RP1: variants seen among roughly 807,000 people sequenced by gnomAD.
RP1 encodes oxygen-regulated protein 1.
In RP1, 16 loss-of-function variants were observed where a neutral mutation model predicts 14.8. That is an observed-to-expected ratio of 1.08 (90% CI 0.73 to 1.65). RP1 has a LOEUF of 1.65. Among genes scored for constraint, RP1 ranks in the 40% most tolerant of loss-of-function variants. RP1 has a pLI of 0.00. For missense variants in RP1, 2,631 were observed against 2,535.0 expected (o/e 1.04, Z -0.81); for synonymous variants, 876 against 883.6 (o/e 0.99, Z 0.15).
chr8:54,688,292 G>A (rs1020776814), intron 12 of RP1, among the ~76,000 whole-genome samples: 1 of 152,088 alleles, frequency 6.6e-6, no homozygotes, highest in African/African-American at 2.4e-5. Flanking sequence ...AGTTACTTTT[G>A]CTGCACAGAA....
intron 12 of RP1, among the ~76,000 whole-genome samples, chr8:54,684,594 T>A (rs939008826): frequency 1.3e-5 from 2 of 152,216 alleles, no homozygotes; most frequent in African/African-American, 4.8e-5. Context: ...CTAGTTTGTG[T>A]ACATAGAGGT....
At chr8:54,674,796 A>C (rs1233450553) in intron 8 of RP1, among the ~76,000 whole-genome samples, 1 of 152,200 alleles carries the variant, frequency 6.6e-6, no homozygotes, top group East Asian at 1.9e-4. Context: ...ATACAAATAT[A>C]CTTTTGAGGT....
intron 16 of RP1, among the ~76,000 whole-genome samples, chr8:54,725,166 A>G (rs552168925): frequency 1.7e-4 from 26 of 152,238 alleles, no homozygotes; most frequent in African/African-American, 5.8e-4. Context: ...CTCTTTGTAG[A>G]TCCTGAATTT....
intron 7 of RP1, among the ~76,000 whole-genome samples, chr8:54,670,320 A>AT (rs1324281281): frequency 6.6e-6 from 1 of 150,554 alleles, no homozygotes; most frequent in African/African-American, 2.4e-5. Context: ...CTTTTGTTTC[A>AT]TTTTTCTATC....
intron 24 of RP1, among the ~76,000 whole-genome samples, chr8:54,788,109 A>G (rs1315629958): frequency 1.3e-5 from 2 of 152,180 alleles, no homozygotes; most frequent in Non-Finnish European, 2.9e-5. Context: ...GATGGGGTTT[A>G]AGATAATTTT....
At chr8:54,643,078 T>C (rs899583552) in intron 3 of RP1, among the ~76,000 whole-genome samples, 10 of 152,204 alleles carry the variant, frequency 6.6e-5, no homozygotes, top group Admixed American at 1.3e-4. Context: ...TTTTGTTTTA[T>C]TGATTGTATG....
intron 6 of RP1, among the ~76,000 whole-genome samples, chr8:54,660,257 A>G (rs1263885547): frequency 1.3e-5 from 2 of 152,046 alleles, no homozygotes; most frequent in Non-Finnish European, 2.9e-5. Context: ...TGTCTTTTTC[A>G]TGATCTTAGA....
In RP1 at chr8:54,605,731, G is replaced by A. The variant is rs377111793; in HGVS notation, c.-12-15224G>A. On this transcript the variant is annotated intron_variant, in intron 1 of 22. Coordinates refer to the RP1 transcript ENST00000636932. ...TATGAATCTGGGTGCTCCTGTATTC[G>A]GTGCTTATATATTTAGGATAGTTGG... is the stretch of plus-strand genomic sequence containing the variant. 4.6e-5 allele frequency among the ~76,000 whole-genome samples: 7 copies of A among 152,228 alleles called. No individual in the cohort carries two copies. The South Asian group carries it at 6.2e-4, about 14-fold the overall frequency.
chr8:54,689,603 G>A (rs910254376), intron 12 of RP1, among the ~76,000 whole-genome samples: 1 of 152,060 alleles, frequency 6.6e-6, no homozygotes, highest in Admixed American at 6.6e-5. Context: ...TGTTGCATGA[G>A]TCTCAGACTC....
At chr8:54,753,209 G>A (rs773743204) in intron 19 of RP1, among the ~76,000 whole-genome samples, 27 of 152,142 alleles carry the variant, frequency 1.8e-4, no homozygotes, top group Non-Finnish European at 2.6e-4. Context: ...AGATACAGTC[G>A]TCACTCATTA....
At chr8:54,803,169 T>C (rs1810754959) in intron 24 of RP1, among the ~76,000 whole-genome samples, 1 of 152,220 alleles carries the variant, frequency 6.6e-6, no homozygotes, top group South Asian at 2.1e-4. Context: ...CTTTGTCTTA[T>C]TTTTTAGTCT....
chr8:54,785,467 A>C (rs1810295471), intron 24 of RP1, among the ~76,000 whole-genome samples: 2 of 149,828 alleles, frequency 1.3e-5, no homozygotes. Context: ...TGAACAATGC[A>C]GCTATGAACA....
chr8:54,756,667 G>A (rs759398089), intron 21 of RP1, among the ~76,000 whole-genome samples: 2 of 152,084 alleles, frequency 1.3e-5, no homozygotes, highest in African/African-American at 4.8e-5. Flanking sequence ...TTAATATTAC[G>A]CTAAGTGATC....
chr8:54,638,250 C>G (rs563945767), intron 3 of RP1, among the ~76,000 whole-genome samples: 204 of 152,102 alleles, frequency 1.3e-3, no homozygotes, highest in African/African-American at 4.7e-3. Flanking sequence ...CGAGCCTCGG[C>G]AACACAGTGA....
At chr8:54,643,910 T>G (rs1806497210) in intron 3 of RP1, among the ~76,000 whole-genome samples, 1 of 152,184 alleles carries the variant, frequency 6.6e-6, no homozygotes, top group Non-Finnish European at 1.5e-5. Flanking sequence ...TTCACATCCT[T>G]AAGTGCAAAA....
chr8:54,591,520 TA>T (rs1386252324), intron 1 of RP1, among the ~76,000 whole-genome samples: 1 of 152,160 alleles, frequency 6.6e-6, no homozygotes, highest in Non-Finnish European at 1.5e-5. Context: ...TGAGTGGCCT[TA>T]TCACCTCTAC....
chr8:54,853,997 G>A (rs1812127154), intron 26 of RP1, among the ~76,000 whole-genome samples: 1 of 151,218 alleles, frequency 6.6e-6, no homozygotes, highest in Admixed American at 6.6e-5. Context: ...AAGAAAGAAA[G>A]AAAAGAAAAG....
chr8:54,569,806 A>T lies in RP1; in HGVS notation c.-13+10486A>T, dbSNP rs866631075. On this transcript the variant is annotated intron_variant, in intron 1 of 22. Transcript: ENST00000636932. ...CAGTAGGACAGAGAGTTGGTAAACT[A>T]TTACTACATCATCACAGACGACGTA... Among the ~76,000 whole-genome samples the T allele has an allele frequency of 3.3e-5, 5 of 152,316 alleles. No individual in the cohort carries two copies. The South Asian group carries it at 6.2e-4, about 19-fold the overall frequency.
At chr8:54,864,651 C>T (rs1212715929) in intron 27 of RP1, among the ~76,000 whole-genome samples, 3 of 152,138 alleles carry the variant, frequency 2.0e-5, no homozygotes, top group African/African-American at 7.2e-5. Context: ...AGCAGCGCTG[C>T]CTGTATCAAG....
Sources: allele counts gnomAD v4.1 joint callset (sites outside exome capture counted in the v4.1 genomes callset), GRCh38; gene constraint gnomAD v4.1.1; transcripts MANE v1.5; gene names NCBI Gene and HGNC (gene_info 2026-07-23, HGNC 2026-07-21).